SAMD3: variants seen among roughly 807,000 people sequenced by gnomAD.
The protein encoded by SAMD3 is sterile alpha motif domain-containing protein 3.
A neutral mutation model predicts 58.5 loss-of-function variants in SAMD3; 63 were observed. That is an observed-to-expected ratio of 1.08 (90% CI 0.88 to 1.33). The LOEUF (loss-of-function observed/expected upper bound fraction) is 1.33, where lower values mean the gene tolerates loss of function less well. Ranked by LOEUF, SAMD3 falls within the 40% of genes most tolerant of loss-of-function variation. The pLI is 0.00. For missense variants in SAMD3, 604 were observed against 608.4 expected, an observed-to-expected ratio of 0.99 and a Z score of 0.08; for synonymous variants, 220 against 210.3, an observed-to-expected ratio of 1.05 and a Z score of -0.40.
intron 1 of SAMD3, among the ~76,000 whole-genome samples, chr6:130,349,683 C>T (rs1173200524): frequency 6.6e-6 from 1 of 152,078 alleles, no homozygotes; most frequent in Non-Finnish European, 1.5e-5. Flanking sequence ...TTATTCCAAT[C>T]AATAGAAAAA....
At chr6:130,314,469 A>T (rs973117180) in intron 1 of SAMD3, among the ~76,000 whole-genome samples, 1 of 152,222 alleles carries the variant, frequency 6.6e-6, no homozygotes, top group Non-Finnish European at 1.5e-5. Context: ...AATCAAAGGC[A>T]TACGTTCTTA....
chr6:130,360,999 ACTGTT>A (rs1211311924), intron 1 of SAMD3, among the ~76,000 whole-genome samples: 2 of 152,116 alleles, frequency 1.3e-5, no homozygotes, highest in East Asian at 3.9e-4. Flanking sequence ...TTGCTGTTAT[ACTGTT>A]CTTTTTTCAA....
intron 8 of SAMD3, among the ~76,000 whole-genome samples, chr6:130,174,314 C>A (rs1215964166): frequency 6.6e-6 from 1 of 152,154 alleles, no homozygotes; most frequent in Non-Finnish European, 1.5e-5. Flanking sequence ...TGTAGGCATA[C>A]GAGGCAATCT....
intron 1 of SAMD3, among the ~76,000 whole-genome samples, chr6:130,357,009 T>C (rs1168751361): frequency 6.6e-6 from 1 of 152,126 alleles, no homozygotes; most frequent in Admixed American, 6.6e-5. Flanking sequence ...TACTGTATCA[T>C]GAAGTGGGCA....
chr6:130,176,034 T>C lies in SAMD3; in HGVS notation c.655-26A>G, dbSNP rs751181719. 11 of 1,591,030 alleles carry C rather than the reference T, an allele frequency of 6.9e-6. No homozygotes were observed. In the East Asian group the frequency reaches 2.5e-4, roughly 36 times the overall value. The stretch of plus-strand genomic sequence containing the variant: ...CTGTAAAATAAAACAGACCAGTTAA[T>C]CTTCAAGGAGATTGAGATAATCCTA... On this transcript the variant is annotated intron_variant, in intron 7 of 11. Transcript: ENST00000439090.
At chr6:130,224,592 T>TTTATTATTATTA (rs147379974), upstream of SAMD3, among the ~76,000 whole-genome samples, 62 of 143,898 alleles carry the variant, frequency 4.3e-4, no homozygotes, top group East Asian at 1.6e-3. Flanking sequence ...ACTCTATTTA[T>TTTATTATTATTA]TTATTATTAT....
intron 8 of SAMD3, among the ~76,000 whole-genome samples, chr6:130,169,679 G>A (rs570947048): frequency 6.6e-6 from 1 of 152,282 alleles, no homozygotes; most frequent in African/African-American, 2.4e-5. Flanking sequence ...TGTCTTGGGG[G>A]CTAGAAAGGA....
intron 2 of SAMD3, among the ~76,000 whole-genome samples, chr6:130,289,275 A>G (rs1304823279): frequency 6.6e-6 from 1 of 152,194 alleles, no homozygotes; most frequent in African/African-American, 2.4e-5. Flanking sequence ...ACTGTGCAAT[A>G]GGGACTCCAT....
At chr6:130,334,504 A>T (rs1777042410) in intron 1 of SAMD3, among the ~76,000 whole-genome samples, 1 of 152,222 alleles carries the variant, frequency 6.6e-6, no homozygotes. Context: ...AGAAACAGCA[A>T]CGGCTTTAAA....
chr6:130,304,221 G>C (rs1257643862), intron 2 of SAMD3, among the ~76,000 whole-genome samples: 1 of 152,194 alleles, frequency 6.6e-6, no homozygotes, highest in Non-Finnish European at 1.5e-5. Flanking sequence ...CCAGGCTGAA[G>C]TGCAGTGATG....
At chr6:130,264,295 T>C (rs1170181695) in intron 2 of SAMD3, among the ~76,000 whole-genome samples, 1 of 152,186 alleles carries the variant, frequency 6.6e-6, no homozygotes, top group Non-Finnish European at 1.5e-5. Context: ...CCATCCAGCT[T>C]CCATCTCCCA....
intron 2 of SAMD3, among the ~76,000 whole-genome samples, chr6:130,294,314 A>G (rs1775483018): frequency 6.6e-6 from 1 of 152,248 alleles, no homozygotes; most frequent in Admixed American, 6.5e-5. Flanking sequence ...CACAACTCTG[A>G]AAATCACTTC....
chr6:130,357,673 C>G (rs998507729), intron 1 of SAMD3, among the ~76,000 whole-genome samples: 1 of 152,204 alleles, frequency 6.6e-6, no homozygotes, highest in Non-Finnish European at 1.5e-5. Flanking sequence ...AAGTTAAACT[C>G]TCGGAGCTCC....
intron 2 of SAMD3, among the ~76,000 whole-genome samples, chr6:130,273,870 G>C (rs545593191): frequency 5.3e-5 from 8 of 152,072 alleles, no homozygotes; most frequent in Admixed American, 1.3e-4. Context: ...ACGAATTTTT[G>C]TAAAGTTATT....
At chr6:130,196,626 T>C (rs1203299411) in intron 5 of SAMD3, among the ~76,000 whole-genome samples, 1 of 150,152 alleles carries the variant, frequency 6.7e-6, no homozygotes, top group Non-Finnish European at 1.5e-5. Context: ...TGGAAATCTA[T>C]CCTCAAGGAA....
intron 7 of SAMD3, among the ~76,000 whole-genome samples, chr6:130,181,684 A>G (rs1792342042): frequency 6.6e-6 from 1 of 152,218 alleles, no homozygotes; most frequent in Non-Finnish European, 1.5e-5. Flanking sequence ...ATATGCAAAG[A>G]TTCTCTAGAG....
Position 130,184,493 on chromosome 6 carries a change from T to A in SAMD3, c.514A>T (p.Ile172Leu). The change falls in exon 6 of 12, where the codon ATA becomes TTA. Residue 172 changes from isoleucine (I) to leucine (L), a missense_variant. Physicochemically the swap from Ile to Leu is conservative, Grantham distance 5. Coordinates refer to ENST00000439090, the MANE Select transcript of SAMD3 (RefSeq NM_001017373.4). ...EQKCPDHSMR[I>L]RIIEFLQADM... ...GCCTGGAGAAACTCAATGATCCTTA[T>A]CCTCATGCTGTGATCCGGGCACTTC... 6.2e-7 allele frequency: 1 copy of A among 1,614,152 alleles called. No homozygotes were observed. Among genetic ancestry groups the A allele is most frequent in the Non-Finnish European group, 8.5e-7 (1 of 1,179,994 alleles).
At chr6:130,253,931 GT>G in intron 2 of SAMD3, among the ~76,000 whole-genome samples, 1 of 151,892 alleles carries the variant, frequency 6.6e-6, no homozygotes, top group Middle Eastern at 3.4e-3. Context: ...GCTCATGTTT[GT>G]TTTGGTCTGA....
At chr6:130,221,030 G>A (rs577790090) in intron 1 of SAMD3, among the ~76,000 whole-genome samples, 220 of 151,796 alleles carry the variant, frequency 1.4e-3, no homozygotes, top group East Asian at 4.1e-3. Flanking sequence ...ATTTTTTTGT[G>A]TTTTTAGTAG....
Sources: allele counts gnomAD v4.1 joint callset (sites outside exome capture counted in the v4.1 genomes callset), GRCh38; gene constraint gnomAD v4.1.1; transcripts MANE v1.5; gene names NCBI Gene and HGNC (gene_info 2026-07-23, HGNC 2026-07-21).